The following C12orf56 variants were observed in gnomAD, a reference collection of about 807,000 sequenced individuals.
C12orf56 encodes chromosome 12 open reading frame 56.
A neutral mutation model predicts 69.9 loss-of-function variants in C12orf56; 71 were observed. The observed-to-expected ratio is 1.02, with a 90% confidence interval of 0.84 to 1.24. The LOEUF is 1.24. Ranked by LOEUF, C12orf56 falls within the 50% of genes most tolerant of loss-of-function variation. The probability of loss-of-function intolerance (pLI) is 0.00; values close to 1 mark genes in which losing one functional copy is unlikely to be tolerated. For synonymous variants in C12orf56, 276 were observed against 274.1 expected (o/e 1.01, Z -0.07); for missense variants, 732 against 738.5 (o/e 0.99, Z 0.10).
chr12:64,353,146 T>C, intron 1 of C12orf56, 90 bp from the exon 2 acceptor site: 2 of 1,293,174 alleles, frequency 1.5e-6, no homozygotes, highest in Non-Finnish European at 2.2e-6. Context: ...AACAGCAAGT[T>C]TTTTTTTTCC....
At chr12:64,384,048 A>G (rs2039755961) in intron 1 of C12orf56, among the ~76,000 whole-genome samples, 1 of 152,252 alleles carries the variant, frequency 6.6e-6, no homozygotes, top group Non-Finnish European at 1.5e-5. Context: ...TCACTGTGCT[A>G]AATGTATCAC....
chr12:64,325,372 A>AAGAAGAAGAAGAAG (rs1555189852), intron 3 of C12orf56, among the ~76,000 whole-genome samples: 180 of 141,438 alleles, frequency 1.3e-3, no homozygotes, highest in Admixed American at 3.1e-3. Context: ...AAAAAAAAAA[A>AAGAAGAAGAAGAAG]AAGAAGAAGA....
In C12orf56 at chr12:64,354,582, G is replaced by A. The variant is rs1048134526; in HGVS notation, c.253-1526C>T. 3.5e-4 allele frequency among the ~76,000 whole-genome samples: 53 copies of A among 151,638 alleles called. 1 individual carries two copies. The highest frequency in any genetic ancestry group is 2.3e-3 in the Admixed American group (35 of 15,220). On this transcript the variant is annotated intron_variant, in intron 1 of 12. Coordinates refer to ENST00000543942, the MANE Select transcript of C12orf56 (RefSeq NM_001170633.2). Reference sequence around the variant, plus strand: ...AAGCGATTCTCCTGCCTCAGCCTCCGGAGTATCTGGGATTACAAGCGCCTG... The same window carrying A: ...AAGCGATTCTCCTGCCTCAGCCTCCAGAGTATCTGGGATTACAAGCGCCTG...
intron 3 of C12orf56, among the ~76,000 whole-genome samples, chr12:64,325,474 C>G (rs955287095): frequency 6.6e-6 from 1 of 152,112 alleles, no homozygotes; most frequent in African/African-American, 2.4e-5. Flanking sequence ...TAACTTTACA[C>G]CGAAGGACTA....
chr12:64,277,631 C>CATATAT, intron 9 of C12orf56, 49 bp downstream of exon 9: 2 of 471,542 alleles, frequency 4.2e-6, no homozygotes, highest in Middle Eastern at 5.6e-4. Context: ...AGCCAGGGCC[C>CATATAT]CTATATATAT....
chr12:64,270,876 T>C (rs1307124295), intron 11 of C12orf56, among the ~76,000 whole-genome samples, 162 bp from the exon 12 acceptor site: 1 of 152,024 alleles, frequency 6.6e-6, no homozygotes, highest in Non-Finnish European at 1.5e-5. Context: ...AAATAAAAAG[T>C]ATAGGAGGAA....
At chr12:64,364,850 G>C (rs1592491071) in intron 1 of C12orf56, among the ~76,000 whole-genome samples, 1 of 151,984 alleles carries the variant, frequency 6.6e-6, no homozygotes, top group African/African-American at 2.4e-5. Context: ...GCCGTTGGCT[G>C]CCTAGACCAC....
chr12:64,334,392 G>A (rs773209186), intron 2 of C12orf56, among the ~76,000 whole-genome samples: 4 of 152,018 alleles, frequency 2.6e-5, no homozygotes, highest in East Asian at 1.9e-4. Flanking sequence ...ATGGAAAATC[G>A]GTTCTAGGAT....
chr12:64,315,931 CAAA>C (rs1447522554), intron 4 of C12orf56, among the ~76,000 whole-genome samples: 7 of 61,250 alleles, frequency 1.1e-4, no homozygotes, highest in Non-Finnish European at 1.4e-4. Flanking sequence ...AACTCCACCT[CAAA>C]AAAAAAAAAA....
chr12:64,275,221 A>G (rs965439625), intron 10 of C12orf56, 77 bp downstream of exon 10: 2 of 672,092 alleles, frequency 3.0e-6, no homozygotes, highest in Non-Finnish European at 4.7e-6. Context: ...CATAATATAC[A>G]TATATCATAA....
At chr12:64,308,076 T>C (rs2038539589) in intron 5 of C12orf56, among the ~76,000 whole-genome samples, 1 of 152,002 alleles carries the variant, frequency 6.6e-6, no homozygotes, top group Admixed American at 6.6e-5. Flanking sequence ...CCTAGCACTT[T>C]AGGAGGCCCA....
chr12:64,353,158 CAT>C (rs375753607), intron 1 of C12orf56, 102 bp from the exon 2 acceptor site: 321 of 1,095,306 alleles, frequency 2.9e-4, no homozygotes, highest in East Asian at 3.5e-4. Flanking sequence ...TTTTTTTCCA[CAT>C]ATATATATAT....
intron 3 of C12orf56, among the ~76,000 whole-genome samples, chr12:64,326,739 C>A (rs1403794751): frequency 2.8e-4 from 41 of 145,896 alleles, no homozygotes; most frequent in African/African-American, 4.6e-4. Context: ...GACTCTGTCT[C>A]AAAAAAAAAA....
intron 2 of C12orf56, among the ~76,000 whole-genome samples, chr12:64,331,772 C>T (rs1235564161): frequency 2.0e-5 from 3 of 152,050 alleles, no homozygotes; most frequent in African/African-American, 7.2e-5. Flanking sequence ...TTCCAGCCTC[C>T]AGAACTGTGA....
chr12:64,339,013 T>C (rs2039035536), intron 2 of C12orf56, among the ~76,000 whole-genome samples: 1 of 152,246 alleles, frequency 6.6e-6, no homozygotes, highest in Non-Finnish European at 1.5e-5. Flanking sequence ...TATTTCCTAG[T>C]CATTTTCCCA....
intron 2 of C12orf56, among the ~76,000 whole-genome samples, chr12:64,347,232 C>T (rs981295104): frequency 1.3e-5 from 2 of 151,430 alleles, no homozygotes; most frequent in African/African-American, 2.4e-5. Flanking sequence ...CCCACCTCAG[C>T]CTCCCAAAGT....
chr12:64,390,166 T>C (rs1359456635), intron 1 of C12orf56, 148 bp downstream of exon 1: 2 of 1,097,938 alleles, frequency 1.8e-6, no homozygotes, highest in African/African-American at 3.2e-5. Flanking sequence ...AATCCACAGC[T>C]TCCCTGTGTT....
intron 5 of C12orf56, among the ~76,000 whole-genome samples, chr12:64,308,412 A>G: frequency 6.6e-6 from 1 of 152,212 alleles, no homozygotes; most frequent in East Asian, 1.9e-4. Flanking sequence ...AAGACTAAAT[A>G]AGATATTTCT....
In C12orf56 at chr12:64,313,654, A is replaced by G. The variant is rs2038652330; in HGVS notation, c.895-902T>C. ...TTTATAGTATTTATATATTTTTATA[A>G]TATATATTTAATCCTAAATTATATC... On this transcript the variant is annotated intron_variant, in intron 4 of 12. Coordinates refer to ENST00000543942, the MANE Select transcript of C12orf56 (RefSeq NM_001170633.2). 2.0e-5 allele frequency among the ~76,000 whole-genome samples: 3 copies of G among 151,278 alleles called. 1 individual carries two copies. Among genetic ancestry groups the G allele is most frequent in the Admixed American group, 2.0e-4 (3 of 15,136 alleles).
Sources: allele counts gnomAD v4.1 joint callset (sites outside exome capture counted in the v4.1 genomes callset), GRCh38; gene constraint gnomAD v4.1.1; transcripts MANE v1.5; gene names NCBI Gene and HGNC (gene_info 2026-07-23, HGNC 2026-07-21).